The following CC2D2A variants were observed in gnomAD, a reference collection of about 807,000 sequenced individuals.
The protein encoded by CC2D2A is coiled-coil and C2 domain containing 2A.
A neutral mutation model predicts 212.9 loss-of-function variants in CC2D2A; 155 were observed. The ratio of observed to expected loss-of-function variants is 0.73; its 90% CI spans 0.64 to 0.83. The LOEUF is 0.83. Among genes scored for constraint, CC2D2A ranks in the 40% least tolerant of loss-of-function variants. The pLI, the probability that CC2D2A is intolerant of heterozygous loss-of-function variation, is 0.00. For synonymous variants in CC2D2A, 667 were observed against 686.5 expected (o/e 0.97, Z 0.44); for missense variants, 1,856 against 1,956.2 (o/e 0.95, Z 0.97).
rs1288457060 is a variant in CC2D2A, at chr4:15,579,963, T to C, written c.3772-5T>C. ...ATAAACTCCATGAAGTCTTTCTTTT[T>C]GAAGTTTGAGTCTCAGGAAGATGAG... On this transcript the variant is annotated splice_region_variant and splice_polypyrimidine_tract_variant and intron_variant, in intron 29 of 36. Transcript: ENST00000424120. The C allele has an allele frequency of 6.2e-7, 1 of 1,610,802 alleles. No individual in the cohort carries two copies. The highest frequency in any genetic ancestry group is 8.5e-7 in the Non-Finnish European group (1 of 1,178,086).
rs183695305 is a variant in CC2D2A at position 15,481,873 on chromosome 4, G to C, written c.247+1046G>C. The C allele has an allele frequency of 4.0e-5, 39 of 985,444 alleles. No homozygotes were observed. The African/African-American group carries it at 6.6e-4, about 17-fold the overall frequency. 61.0% of individuals were successfully genotyped at this position (985,444 alleles called of 1,614,324 possible). A position where few individuals can be genotyped will look rare whatever the true frequency, so the allele number is the denominator to read the frequency against. ...TGTTAACCTAGTGAGGCTTGAATCA[G>C]ATGTTTGGAAGAAATGAGGGAGGTT... On this transcript the variant is annotated intron_variant, in intron 4 of 36. Transcript: ENST00000424120.
chr4:15,531,357 GTCC>G (rs1312333317), intron 13 of CC2D2A, among the ~76,000 whole-genome samples: 3 of 152,118 alleles, frequency 2.0e-5, no homozygotes, highest in Admixed American at 2.0e-4. Flanking sequence ...GGGTGTCCTC[GTCC>G]CTTTCCAGCC....
chr4:15,535,503 C>CA (rs1718080389), intron 14 of CC2D2A, among the ~76,000 whole-genome samples: 2 of 151,850 alleles, frequency 1.3e-5, no homozygotes, highest in African/African-American at 2.4e-5. Flanking sequence ...ATCTAGCCAC[C>CA]TTATAATAAA....
intron 14 of CC2D2A, 40 bp downstream of exon 14, chr4:15,533,373 T>TATA (rs755126867): frequency 6.5e-6 from 9 of 1,383,376 alleles, no homozygotes; most frequent in Admixed American, 2.9e-5. Context: ...GGCTATATCA[T>TATA]ACATTAAGAA....
intron 2 of CC2D2A, among the ~76,000 whole-genome samples, chr4:15,477,987 G>A (rs1424318687): frequency 6.6e-6 from 1 of 152,246 alleles, no homozygotes; most frequent in East Asian, 1.9e-4. Flanking sequence ...TAAGTTTTGT[G>A]TACCCCAGAG....
intron 32 of CC2D2A, among the ~76,000 whole-genome samples, chr4:15,588,763 C>A (rs771355181): frequency 3.2e-4 from 49 of 152,268 alleles, no homozygotes; most frequent in Middle Eastern, 3.4e-3. Flanking sequence ...AGCTGTGTGA[C>A]ACTAAGTAGG....
At chr4:15,600,729 C>G (rs1430020362) in intron 36 of CC2D2A, among the ~76,000 whole-genome samples, 1 of 151,804 alleles carries the variant, frequency 6.6e-6, no homozygotes, top group Non-Finnish European at 1.5e-5. Flanking sequence ...TGGCAAAACT[C>G]CATCTCTACA....
chr4:15,525,435 G>A (rs1319118232), intron 11 of CC2D2A, among the ~76,000 whole-genome samples: 2 of 152,284 alleles, frequency 1.3e-5, no homozygotes, highest in Non-Finnish European at 1.5e-5. Flanking sequence ...GGTAATCTGG[G>A]TTATAAAACA....
chr4:15,470,227 A>G (rs1432305834), intron 1 of CC2D2A, 170 bp downstream of exon 1: 1 of 152,160 alleles, frequency 6.6e-6, no homozygotes, highest in African/African-American at 2.4e-5. Flanking sequence ...GGGAACATAG[A>G]CCATTACTTG....
intron 33 of CC2D2A, among the ~76,000 whole-genome samples, chr4:15,590,100 T>A (rs372657906): frequency 7.9e-5 from 12 of 152,352 alleles, no homozygotes; most frequent in Middle Eastern, 3.4e-3. Flanking sequence ...TCTTTCTTTT[T>A]TCAAAGGAGA....
Position 15,550,826 on chromosome 4 carries a change from C to A in CC2D2A, c.2184C>A (p.Val728=). Residue 728 remains valine (V), a splice_region_variant and synonymous_variant, in exon 18 of 37, where the codon GTC becomes GTA. Transcript: ENST00000424120. ...VNWPESLTLQ[V]YETVGHSSPT... ...TATTTCTCTTCTCTGGTTTTCAGGT[C>A]TATGAAACTGTCGGACACAGTAGTC... 6.4e-7 allele frequency: 1 copy of A among 1,558,738 alleles called. No individual in the cohort carries two copies. Among genetic ancestry groups the A allele is most frequent in the Non-Finnish European group, 8.8e-7 (1 of 1,140,000 alleles).
intron 4 of CC2D2A, among the ~76,000 whole-genome samples, chr4:15,495,433 A>AT (rs1304078233): frequency 1.3e-5 from 2 of 152,090 alleles, no homozygotes; most frequent in Non-Finnish European, 2.9e-5. Flanking sequence ...CTTTTTGTCC[A>AT]TATGTAGCTC....
At chr4:15,556,419 G>A (rs1343340574) in intron 20 of CC2D2A, among the ~76,000 whole-genome samples, 1 of 152,112 alleles carries the variant, frequency 6.6e-6, no homozygotes, top group Non-Finnish European at 1.5e-5. Context: ...AGAAATATTT[G>A]GAAGATTGGG....
chr4:15,526,682 TATA>T (rs546288861), intron 11 of CC2D2A, among the ~76,000 whole-genome samples: 25 of 152,316 alleles, frequency 1.6e-4, no homozygotes, highest in African/African-American at 5.8e-4. Flanking sequence ...AGTCAGTCTT[TATA>T]ATGAGAAAAA....
At chr4:15,541,081 G>A in intron 17 of CC2D2A, 67 bp downstream of exon 17, 2 of 1,325,940 alleles carry the variant, frequency 1.5e-6, no homozygotes, top group South Asian at 1.6e-5. Flanking sequence ...GGAGGCCAAG[G>A]TGGGCAGATC....
chr4:15,567,187 G>A (rs553035862), intron 24 of CC2D2A, among the ~76,000 whole-genome samples, 190 bp from the exon 25 acceptor site: 1 of 152,166 alleles, frequency 6.6e-6, no homozygotes, highest in Admixed American at 6.5e-5. Context: ...GGAGGCTGAG[G>A]TGGGAGGATC....
At position 15,574,245 on chromosome 4, in the gene CC2D2A, A is replaced by C; in HGVS notation, c.3690A>C (p.Arg1230=). ...MILERGFDSV[R]SLSEGSYITL... is the part of the protein sequence containing the mutation. ...TTGAGCGGGGTTTTGATTCTGTCCGAAGCTTAAGTGAAGGCTCCTACATTA... is the reference window on the plus strand; with the variant it reads ...TTGAGCGGGGTTTTGATTCTGTCCGCAGCTTAAGTGAAGGCTCCTACATTA... The change falls in exon 29 of 37, where the codon CGA becomes CGC. Residue 1230 remains arginine, a synonymous_variant. Coordinates refer to ENST00000424120, the MANE Select transcript of CC2D2A (RefSeq NM_001378615.1). The C allele has an allele frequency of 6.4e-7, 1 of 1,551,614 alleles. No homozygotes were observed. The highest frequency in any genetic ancestry group is 8.7e-7 in the Non-Finnish European group (1 of 1,146,920).
intron 4 of CC2D2A, chr4:15,482,389 A>G: frequency 1.4e-6 from 1 of 724,900 alleles, no homozygotes; most frequent in Non-Finnish European, 1.7e-6. Flanking sequence ...CCCAACATTT[A>G]TTTTCTCATG....
At chr4:15,511,223 C>T (rs758082122) in intron 7 of CC2D2A, 24 bp from the exon 8 acceptor site, 17 of 1,575,126 alleles carry the variant, frequency 1.1e-5, no homozygotes, top group Non-Finnish European at 1.2e-5. Flanking sequence ...TGGGAAATTG[C>T]GATTGCTCCT....
Sources: allele counts gnomAD v4.1 joint callset (sites outside exome capture counted in the v4.1 genomes callset), GRCh38; gene constraint gnomAD v4.1.1; transcripts MANE v1.5; gene names NCBI Gene and HGNC (gene_info 2026-07-23, HGNC 2026-07-21).